MYO5B: variants seen among roughly 807,000 people sequenced by gnomAD.
The protein encoded by MYO5B is myosin VB, also known as unconventional myosin-Vb.
Under a neutral mutation model 229.3 loss-of-function variants are expected in MYO5B, and 143 were observed. That is an observed-to-expected ratio of 0.62 (90% confidence interval 0.54 to 0.72). The LOEUF is 0.72. MYO5B is among the 30% of genes least tolerant of loss of function. MYO5B has a pLI of 0.00. For synonymous variants in MYO5B, 918 were observed against 885.2 expected (o/e 1.04, Z -0.66); for missense variants, 2,321 against 2,331.0 (o/e 1.00, Z 0.09).
At chr18:50,089,095 C>T (rs537757954) in intron 1 of MYO5B, among the ~76,000 whole-genome samples, 1 of 152,238 alleles carries the variant, frequency 6.6e-6, no homozygotes, top group East Asian at 1.9e-4. Flanking sequence ...GTTATAGGAA[C>T]CTGGCCAGGC....
Position 49,847,283 on chromosome 18 carries a change from T to C in MYO5B, c.4322A>G (p.Gln1441Arg). The part of the protein sequence containing the change: ...MKKAQDLEAA[Q>R]ALAQSERKRH... ...CTTCCTCTCACTCTGGGCCAATGCC[T>C]GGGCAGCTGAGCAGGAAAGAAAACA... The change falls in exon 33 of 40, where the codon CAG becomes CGG. Residue 1441 changes from glutamine (Q) to arginine (R), a missense_variant. Gln to Arg is a conservative substitution (Grantham distance 43). Transcript: ENST00000285039. 1 of 1,613,374 alleles carries C rather than the reference T, an allele frequency of 6.2e-7. No individual in the cohort carries two copies. The highest frequency in any genetic ancestry group is 1.1e-5 in the South Asian group (1 of 91,012).
Position 49,843,396 on chromosome 18 carries a change from A to C in MYO5B, c.4460-4T>G. On this transcript the variant is annotated splice_polypyrimidine_tract_variant and splice_region_variant and intron_variant, in intron 33 of 39. Coordinates refer to ENST00000285039, the MANE Select transcript of MYO5B (RefSeq NM_001080467.3). The stretch of plus-strand genomic sequence containing the variant: ...GACAGCATCTGGGGCTTCAAGTCTA[A>C]GGGCAACGAGAGCAGCAAATGGCAA... The C allele has an allele frequency of 1.9e-6, 3 of 1,614,148 alleles. No homozygotes were observed. The highest frequency in any genetic ancestry group is 1.6e-4 in the Middle Eastern group (1 of 6,062).
intron 5 of MYO5B, among the ~76,000 whole-genome samples, chr18:50,000,299 T>C (rs1304891008): frequency 6.6e-6 from 1 of 152,202 alleles, no homozygotes; most frequent in Non-Finnish European, 1.5e-5. Context: ...TCTTGGCAGC[T>C]TGCGGCTCAA....
intron 1 of MYO5B, among the ~76,000 whole-genome samples, chr18:50,193,556 C>G (rs1259901713): frequency 6.6e-6 from 1 of 152,246 alleles, no homozygotes; most frequent in Non-Finnish European, 1.5e-5. Context: ...GGTAAGGACG[C>G]GGAAGTGACT....
intron 1 of MYO5B, among the ~76,000 whole-genome samples, chr18:50,138,981 C>T (rs915963207): frequency 2.7e-5 from 4 of 150,786 alleles, no homozygotes; most frequent in Non-Finnish European, 4.4e-5. Flanking sequence ...CCCATTTTCC[C>T]AGGACCCTGT....
chr18:49,937,189 A>T, intron 15 of MYO5B, 56 bp downstream of exon 15: 1 of 1,602,152 alleles, frequency 6.2e-7, no homozygotes. Context: ...CTTCATCTAC[A>T]GAGAGGCCAG....
intron 4 of MYO5B, 83 bp downstream of exon 4, chr18:50,036,767 G>A: frequency 6.7e-7 from 1 of 1,502,602 alleles, no homozygotes; most frequent in Non-Finnish European, 9.2e-7. Flanking sequence ...CTCACTGTGA[G>A]CATCAGTTGC....
At chr18:49,930,387 C>T (rs1001301689) in intron 16 of MYO5B, among the ~76,000 whole-genome samples, 1 of 152,202 alleles carries the variant, frequency 6.6e-6, no homozygotes, top group African/African-American at 2.4e-5. Context: ...ACATGTCCTA[C>T]AAAGCTAAGG....
In MYO5B at chr18:50,112,204, A is replaced by G. The variant is rs189868258; in HGVS notation, c.28-56826T>C. 3.7e-3 allele frequency among the ~76,000 whole-genome samples: 570 copies of G among 152,330 alleles called. 2 individuals are homozygous for G. Among genetic ancestry groups the G allele is most frequent in the African/African-American group, 0.013 (544 of 41,576 alleles). On this transcript the variant is annotated intron_variant, in intron 1 of 39. Transcript: ENST00000285039. ...CAAACCTCCTAAATATTGAGTAGGG[A>G]AAAAGTATAGTAAAGAGAATTGAAG...
chr18:49,959,970 G>A (rs1007428548), intron 12 of MYO5B, among the ~76,000 whole-genome samples: 8 of 152,084 alleles, frequency 5.3e-5, no homozygotes, highest in Non-Finnish European at 1.2e-4. Flanking sequence ...GGGCCTGTCT[G>A]CAAAGGGGCT....
intron 1 of MYO5B, among the ~76,000 whole-genome samples, chr18:50,157,085 GTTTTGT>G (rs1417767997): frequency 7.4e-6 from 1 of 134,856 alleles, no homozygotes; most frequent in Non-Finnish European, 1.6e-5. Context: ...TATCCTTTTT[GTTTTGT>G]TTTTTTTTTT....
chr18:50,044,650 C>T (rs892450403), intron 2 of MYO5B, among the ~76,000 whole-genome samples: 16 of 152,132 alleles, frequency 1.1e-4, no homozygotes, highest in Middle Eastern at 3.4e-3. Context: ...CAGGGTAGCC[C>T]CGAGCCCCAT....
intron 35 of MYO5B, 154 bp from the exon 36 acceptor site, chr18:49,839,448 T>C: frequency 1.2e-6 from 1 of 800,648 alleles, no homozygotes; most frequent in Non-Finnish European, 2.1e-6. Context: ...GCCTGTCAGT[T>C]CTTTGAGGCC....
In MYO5B at chr18:50,186,145, G is replaced by A. The variant is rs75264748; in HGVS notation, c.27+8622C>T. Reference sequence around the variant, plus strand: ...TTTCGCATACATTTTTCTAAGTCTTGGAAACCCAGTGTGTACAGTACTGCA... The same window carrying A: ...TTTCGCATACATTTTTCTAAGTCTTAGAAACCCAGTGTGTACAGTACTGCA... On this transcript the variant is annotated intron_variant, in intron 1 of 39. Coordinates refer to ENST00000285039, the MANE Select transcript of MYO5B (RefSeq NM_001080467.3). 0.011 allele frequency among the ~76,000 whole-genome samples: 1,659 copies of A among 152,268 alleles called. 97 individuals are homozygous for A. The East Asian group carries it at 0.2, about 18-fold the overall frequency.
At chr18:49,894,793 G>A (rs181657418) in intron 22 of MYO5B, 148 bp downstream of exon 22, 1 of 738,424 alleles carries the variant, frequency 1.4e-6, no homozygotes, top group Non-Finnish European at 2.4e-6. Flanking sequence ...GCCACTTTCT[G>A]TCTAGACACA....
At chr18:49,868,061 C>T (rs2024417055) in intron 27 of MYO5B, among the ~76,000 whole-genome samples, 1 of 151,446 alleles carries the variant, frequency 6.6e-6, no homozygotes, top group Non-Finnish European at 1.5e-5. Flanking sequence ...TTTACAAAGA[C>T]ATGTAGAAAA....
At position 49,972,821 on chromosome 18, in the gene MYO5B, G is replaced by C. The variant is rs546134936; in HGVS notation, c.1322+1529C>G. Among the ~76,000 whole-genome samples, 23 of 152,096 alleles carry C rather than the reference G, an allele frequency of 1.5e-4. No individual in the cohort carries two copies. In the South Asian group the frequency reaches 4.6e-3, roughly 30 times the overall value. ...CACTCGATGGACCAGAGGAGAAGGG[G>C]CCTGCCTGGGGTCATGCAACTGAAG... On this transcript the variant is annotated intron_variant, in intron 10 of 39. Transcript: ENST00000285039.
chr18:50,085,331 C>T (rs1321338060), intron 1 of MYO5B, among the ~76,000 whole-genome samples: 5 of 152,054 alleles, frequency 3.3e-5, no homozygotes, highest in Admixed American at 6.6e-5. Context: ...TCATCACTGG[C>T]CATCAGAGAA....
At chr18:50,102,920 C>CT (rs111661597) in intron 1 of MYO5B, among the ~76,000 whole-genome samples, 211 of 149,942 alleles carry the variant, frequency 1.4e-3, no homozygotes, top group African/African-American at 3.2e-3. Context: ...AGAGGGAGTC[C>CT]TTTTTTTTTT....
Sources: allele counts gnomAD v4.1 joint callset (sites outside exome capture counted in the v4.1 genomes callset), GRCh38; gene constraint gnomAD v4.1.1; transcripts MANE v1.5; gene names NCBI Gene and HGNC (gene_info 2026-07-23, HGNC 2026-07-21).